The following RGS7 variants were observed in gnomAD, a reference collection of about 807,000 sequenced individuals.
RGS7 encodes regulator of G protein signaling 7.
RGS7 carries 27 observed loss-of-function variants against 81.1 expected under a neutral mutation model. That is an observed-to-expected ratio of 0.33 (90% CI 0.25 to 0.46). The LOEUF is 0.46. RGS7 is among the 20% of genes least tolerant of loss of function. The probability of loss-of-function intolerance (pLI) is 1.00; values close to 1 mark genes in which losing one functional copy is unlikely to be tolerated. For missense variants in RGS7, 396 were observed against 607.4 expected (o/e 0.65, Z 3.66); for synonymous variants, 208 against 207.7 (o/e 1.00, Z -0.01).
chr1:241,311,062 A>C (rs1470794059), intron 2 of RGS7, among the ~76,000 whole-genome samples: 1 of 152,220 alleles, frequency 6.6e-6, no homozygotes, highest in Non-Finnish European at 1.5e-5. Flanking sequence ...CCTCGCTTAT[A>C]AAATATCTTC....
intron 6 of RGS7, among the ~76,000 whole-genome samples, chr1:240,926,955 A>G (rs1424520569): frequency 6.6e-6 from 1 of 152,208 alleles, no homozygotes; most frequent in African/African-American, 2.4e-5. Flanking sequence ...TTTCATATCA[A>G]CTGATCTATT....
chr1:240,944,777 G>C (rs1296410851), intron 4 of RGS7, among the ~76,000 whole-genome samples: 1 of 152,180 alleles, frequency 6.6e-6, no homozygotes, highest in African/African-American at 2.4e-5. Flanking sequence ...GCAGTGGCGC[G>C]ATCTTCGCTC....
chr1:241,280,399 T>C (rs143702796), intron 2 of RGS7, among the ~76,000 whole-genome samples: 278 of 152,316 alleles, frequency 1.8e-3, no homozygotes, highest in Non-Finnish European at 3.3e-3. Context: ...TACATTTCTG[T>C]TAATTAAGCC....
intron 6 of RGS7, among the ~76,000 whole-genome samples, chr1:240,899,378 A>G (rs1378784779): frequency 2.6e-5 from 4 of 152,132 alleles, no homozygotes; most frequent in Admixed American, 2.6e-4. Flanking sequence ...TCTTCCTAGC[A>G]TCGATGGTCT....
At chr1:241,167,157 C>T (rs1380920169) in intron 2 of RGS7, among the ~76,000 whole-genome samples, 1 of 152,158 alleles carries the variant, frequency 6.6e-6, no homozygotes, top group Non-Finnish European at 1.5e-5. Flanking sequence ...ATGACACAGG[C>T]ATTCTGGACT....
chr1:241,195,925 G>A (rs183127080), intron 2 of RGS7, among the ~76,000 whole-genome samples: 7 of 152,076 alleles, frequency 4.6e-5, no homozygotes, highest in Admixed American at 4.6e-4. Context: ...TGGGGCACAA[G>A]CAATATTTGA....
chr1:241,309,201 A>G (rs2080353435), intron 2 of RGS7, among the ~76,000 whole-genome samples: 1 of 152,060 alleles, frequency 6.6e-6, no homozygotes, highest in African/African-American at 2.4e-5. Context: ...AATCTGGTCA[A>G]TGTGGTGAAA....
At position 240,936,632 on chromosome 1, in the gene RGS7, G is replaced by A. The variant is rs1676683040; in HGVS notation, c.301C>T (p.Leu101Phe). The part of the protein sequence containing the change: ...FFPISDHVLT[L>F]KDDGTFYRFQ... ...CGGTAAAAGGTGCCATCATCCTTGA[G>A]TGTGAGGACATGATCTGAGATTGGA... Residue 101 changes from leucine (L) to phenylalanine (F), a missense_variant, in exon 5 of 19, where the codon CTC becomes TTC. Leu to Phe is a conservative substitution (Grantham distance 22). Transcript: ENST00000440928. 1 of 1,614,026 alleles carries A rather than the reference G, an allele frequency of 6.2e-7. No individual in the cohort carries two copies.
intron 3 of RGS7, among the ~76,000 whole-genome samples, chr1:241,073,405 A>G (rs1039951741): frequency 4.6e-5 from 7 of 152,198 alleles, no homozygotes; most frequent in Admixed American, 2.6e-4. Context: ...ACCTGACTAC[A>G]GAAGGTGCTC....
intron 4 of RGS7, among the ~76,000 whole-genome samples, chr1:240,941,072 T>C (rs1365417784): frequency 2.0e-5 from 3 of 152,248 alleles, no homozygotes; most frequent in African/African-American, 7.2e-5. Context: ...TTATGTTCCA[T>C]AATTTTACAA....
At chr1:240,972,693 T>C (rs1260489547) in intron 4 of RGS7, among the ~76,000 whole-genome samples, 1 of 46,632 alleles carries the variant, frequency 2.1e-5, no homozygotes. Flanking sequence ...ACTTAAAGTA[T>C]AATAAAAAAA....
At chr1:240,900,822 G>A (rs1438613358) in intron 6 of RGS7, among the ~76,000 whole-genome samples, 4 of 152,194 alleles carry the variant, frequency 2.6e-5, no homozygotes, top group African/African-American at 9.6e-5. Context: ...CTTCAAAGCT[G>A]TCAGACAGGG....
chr1:241,213,417 G>T (rs576250043), intron 2 of RGS7, among the ~76,000 whole-genome samples: 4 of 152,312 alleles, frequency 2.6e-5, no homozygotes, highest in African/African-American at 9.6e-5. Context: ...CCGTAGAACT[G>T]GAAACGGCAG....
At chr1:241,339,364 T>A (rs1441908066) in intron 2 of RGS7, among the ~76,000 whole-genome samples, 1 of 152,218 alleles carries the variant, frequency 6.6e-6, no homozygotes, top group East Asian at 1.9e-4. Flanking sequence ...TCAATAAATG[T>A]TTGCTACATT....
chr1:241,187,802 G>A (rs866940617), intron 2 of RGS7, among the ~76,000 whole-genome samples: 7 of 152,184 alleles, frequency 4.6e-5, no homozygotes, highest in Non-Finnish European at 8.8e-5. Context: ...CTTGAAGCAT[G>A]TTTGTTTTAT....
intron 6 of RGS7, among the ~76,000 whole-genome samples, chr1:240,895,018 C>T (rs907968780): frequency 3.3e-5 from 5 of 152,114 alleles, no homozygotes; most frequent in Admixed American, 6.5e-5. Flanking sequence ...TGGAACAGTC[C>T]GTCATGGCTT....
chr1:240,814,015 G>A (rs1404736293), intron 12 of RGS7, among the ~76,000 whole-genome samples: 1 of 152,276 alleles, frequency 6.6e-6, no homozygotes, highest in African/African-American at 2.4e-5. Flanking sequence ...TGTGTGAAGG[G>A]CACCGCTAAG....
intron 6 of RGS7, among the ~76,000 whole-genome samples, chr1:240,893,544 A>G (rs1325523812): frequency 6.6e-6 from 1 of 152,068 alleles, no homozygotes; most frequent in Non-Finnish European, 1.5e-5. Context: ...ATATCCTTCT[A>G]TTTGAAATGA....
chr1:241,018,069 T>A (rs1572287685), intron 3 of RGS7, among the ~76,000 whole-genome samples: 2 of 151,856 alleles, frequency 1.3e-5, no homozygotes, highest in East Asian at 3.9e-4. Context: ...CAGGTTCAAG[T>A]GATTCTCCTA....
Sources: gnomAD v4.1 joint callset for allele counts (sites outside exome capture counted in the v4.1 genomes callset) on GRCh38, gnomAD v4.1.1 for gene constraint, MANE v1.5 for transcripts, NCBI Gene and HGNC (gene_info 2026-07-23, HGNC 2026-07-21) for gene names.